The following DGKG variants were observed in gnomAD, a reference collection of about 807,000 sequenced individuals.
DGKG encodes DAG kinase gamma.
Under a neutral mutation model 105.3 loss-of-function variants are expected in DGKG, and 78 were observed. That is an observed-to-expected ratio of 0.74 (90% CI 0.62 to 0.89). The LOEUF (loss-of-function observed/expected upper bound fraction) is 0.89. Among genes scored for constraint, DGKG ranks in the 40% least tolerant of loss-of-function variants. The pLI is 0.00. For missense variants in DGKG, 958 were observed against 1,020.1 expected (o/e 0.94, Z 0.83); for synonymous variants, 346 against 367.1 (o/e 0.94, Z 0.66).
chr3:186,360,595 GGT>G (rs1157229440), intron 1 of DGKG, among the ~76,000 whole-genome samples: 4 of 152,072 alleles, frequency 2.6e-5, no homozygotes, highest in African/African-American at 9.7e-5. Flanking sequence ...AATATAAAGG[GGT>G]GTGTGTCTGT....
At position 186,361,194 on chromosome 3, in the gene DGKG, T is replaced by C. The variant is rs77083958; in HGVS notation, c.-249+752A>G. On this transcript the variant is annotated intron_variant, in intron 1 of 24. Coordinates refer to ENST00000265022, the MANE Select transcript of DGKG (RefSeq NM_001346.3). This position sits in a 1 kb window ranked among gnomAD's most constrained non-coding sequence, Gnocchi z 6.8. ...TGGGGGCAGCACGTCAAATCACCTG[T>C]AGGGCTTTTTAGAACTCCACAGCCC... is the stretch of plus-strand genomic sequence containing the variant. Among the ~76,000 whole-genome samples, 224 of 152,344 alleles carry C rather than the reference T, an allele frequency of 1.5e-3. 1 individual carries two copies. Among genetic ancestry groups the C allele is most frequent in the African/African-American group, 4.7e-3 (197 of 41,584 alleles).
intron 1 of DGKG, among the ~76,000 whole-genome samples, chr3:186,332,904 A>G (rs1292859478): frequency 6.6e-6 from 1 of 152,032 alleles, no homozygotes; most frequent in East Asian, 1.9e-4. Flanking sequence ...CTTTATAAGA[A>G]GAGGAAGCGA....
At position 186,309,487 on chromosome 3, in the gene DGKG, G is replaced by A. The variant is rs116423750; in HGVS notation, c.68-2510C>T. On this transcript the variant is annotated intron_variant, in intron 2 of 24. Transcript: ENST00000265022. ...ACTCTGGAAACAGGATGAAAGAGAA[G>A]TTAGAATGAGACCAGAGCTCAGTTA... Among the ~76,000 whole-genome samples the A allele has an allele frequency of 9.0e-3, 1,368 of 152,318 alleles. 22 individuals are homozygous for A. The highest frequency in any genetic ancestry group is 0.031 in the African/African-American group (1,283 of 41,558).
At chr3:186,188,166 A>G in intron 22 of DGKG, 36 bp downstream of exon 22, 1 of 1,611,348 alleles carries the variant, frequency 6.2e-7, no homozygotes, top group Non-Finnish European at 8.5e-7. Flanking sequence ...ACTACTGGGC[A>G]TTGACCTAAA....
chr3:186,184,517 A>C (rs78947229), intron 22 of DGKG, among the ~76,000 whole-genome samples: 2 of 37,584 alleles, frequency 5.3e-5, no homozygotes, highest in African/African-American at 1.0e-4. Flanking sequence ...CTCCTGCCTC[A>C]GCCTCCCTTG....
chr3:186,192,831 A>G (rs1717971545), intron 21 of DGKG, among the ~76,000 whole-genome samples: 1 of 152,184 alleles, frequency 6.6e-6, no homozygotes, highest in South Asian at 2.1e-4. Flanking sequence ...TTGGATATTA[A>G]TATTATTATA....
At chr3:186,238,210 C>T (rs1234968438) in intron 20 of DGKG, among the ~76,000 whole-genome samples, 1 of 145,754 alleles carries the variant, frequency 6.9e-6, no homozygotes, top group Non-Finnish European at 1.5e-5. Flanking sequence ...GTAGGAAAAT[C>T]ACCTGAACCT....
At chr3:186,168,377 C>A (rs1716657050) in intron 22 of DGKG, among the ~76,000 whole-genome samples, 1 of 151,862 alleles carries the variant, frequency 6.6e-6, no homozygotes, top group Admixed American at 6.6e-5. Context: ...ATAAGCACTC[C>A]AAGAAAAGAG....
intron 1 of DGKG, among the ~76,000 whole-genome samples, chr3:186,336,100 C>T (rs909475113): frequency 6.6e-6 from 1 of 152,170 alleles, no homozygotes; most frequent in African/African-American, 2.4e-5. Flanking sequence ...GCAGCCCACA[C>T]CCAGTGACTG....
At chr3:186,351,100 T>C (rs1266313011) in intron 1 of DGKG, among the ~76,000 whole-genome samples, 1 of 152,222 alleles carries the variant, frequency 6.6e-6, no homozygotes, top group African/African-American at 2.4e-5. Flanking sequence ...GTCCTTTTCA[T>C]TTAATCTCCA....
chr3:186,252,055 C>T (rs1416617183), intron 18 of DGKG, 136 bp from the exon 19 acceptor site: 4 of 755,762 alleles, frequency 5.3e-6, no homozygotes, highest in Admixed American at 3.5e-5. Context: ...GGGCTAGAGA[C>T]ACTTACGTTC....
At chr3:186,264,581 C>G (rs367940983) in intron 14 of DGKG, among the ~76,000 whole-genome samples, 6 of 152,132 alleles carry the variant, frequency 3.9e-5, no homozygotes, top group Admixed American at 2.0e-4. Flanking sequence ...TTTCACAACA[C>G]GTGAATCTGT....
At chr3:186,173,328 A>T (rs1716918352) in intron 22 of DGKG, among the ~76,000 whole-genome samples, 1 of 152,246 alleles carries the variant, frequency 6.6e-6, no homozygotes, top group Non-Finnish European at 1.5e-5. Flanking sequence ...AAAGAATATG[A>T]AAGTGATCTG....
chr3:186,234,211 T>G (rs1720300870), intron 20 of DGKG, among the ~76,000 whole-genome samples: 1 of 152,244 alleles, frequency 6.6e-6, no homozygotes, highest in African/African-American at 2.4e-5. Flanking sequence ...TTGAGGCCAA[T>G]GATCACTTCT....
At chr3:186,355,636 T>C (rs1385152513) in intron 1 of DGKG, among the ~76,000 whole-genome samples, 1 of 149,672 alleles carries the variant, frequency 6.7e-6, no homozygotes, top group Admixed American at 6.6e-5. Flanking sequence ...CTGCCACCAC[T>C]ATCACCAGCA....
intron 20 of DGKG, among the ~76,000 whole-genome samples, chr3:186,223,212 C>G (rs980055015): frequency 1.3e-5 from 2 of 151,360 alleles, no homozygotes; most frequent in African/African-American, 4.8e-5. Flanking sequence ...AACCTGGAGA[C>G]TCCTCTACCC....
At chr3:186,257,042 G>A (rs1255748763) in intron 17 of DGKG, among the ~76,000 whole-genome samples, 3 of 152,186 alleles carry the variant, frequency 2.0e-5, no homozygotes, top group African/African-American at 7.2e-5. Context: ...AGTGCCTTGG[G>A]GAGAGCTTGA....
In DGKG at chr3:186,188,274, T is replaced by C; in HGVS notation, c.2023A>G (p.Lys675Glu). 1.2e-6 allele frequency: 2 copies of C among 1,614,160 alleles called. No homozygotes were observed. The highest frequency in any genetic ancestry group is 1.7e-6 in the Non-Finnish European group (2 of 1,180,028). ...GGTNLWGENK[K>E]NRAVIRESRK... Reference sequence around the variant, plus strand: ...CTTTCCCGGATCACAGCCCGGTTCTTCTTGTTTTCTCCCCAGAGATTGGTG... The same window carrying C: ...CTTTCCCGGATCACAGCCCGGTTCTCCTTGTTTTCTCCCCAGAGATTGGTG... The change falls in exon 22 of 25, where the codon AAG (lysine) becomes GAG (glutamate). Residue 675 changes from lysine (K) to glutamate (E), a missense_variant. This residue lies in a region of DGKG where 315 missense variants were observed against 400.6 expected (regional missense o/e 0.79). Transcript: ENST00000265022.
In DGKG at chr3:186,164,918, C is replaced by G; in HGVS notation, c.2196G>C (p.Gln732His). 6.2e-7 allele frequency: 1 copy of G among 1,613,504 alleles called. No homozygotes were observed. Among genetic ancestry groups the G allele is most frequent in the East Asian group, 2.2e-5 (1 of 44,880 alleles). The change falls in exon 23 of 25, where the codon CAG (glutamine) becomes CAC (histidine). Residue 732 changes from glutamine (Q) to histidine (H), a missense_variant. Transcript: ENST00000265022. ...CATACCTGATGGTGACAGAGGCGCACTGGGCCAGCCTCCTGCCTGCACTCT... is the reference window on the plus strand; with the variant it reads ...CATACCTGATGGTGACAGAGGCGCAGTGGGCCAGCCTCCTGCCTGCACTCT... ...GLKSAGRRLA[Q>H]CASVTIRTNK...
Sources: gnomAD v4.1 joint callset for allele counts (sites outside exome capture counted in the v4.1 genomes callset) on GRCh38, gnomAD v4.1.1 for gene constraint, gnomAD v4.1.1 regional missense constraint, Gnocchi (gnomAD v3.1) non-coding constraint, MANE v1.5 for transcripts, NCBI Gene and HGNC (gene_info 2026-07-23, HGNC 2026-07-21) for gene names.